The following ATP6V1H variants were observed in gnomAD, a reference collection of about 807,000 sequenced individuals.
ATP6V1H encodes the protein ATPase H+ transporting V1 subunit H, also known as V-type proton ATPase subunit H.
Under a neutral mutation model 71.7 loss-of-function variants are expected in ATP6V1H, and 39 were observed. The observed-to-expected ratio is 0.54, with a 90% CI of 0.42 to 0.71. The LOEUF is 0.71. ATP6V1H is among the 30% of genes least tolerant of loss of function. ATP6V1H has a pLI of 0.00. For missense variants in ATP6V1H, 509 were observed against 594.9 expected, an observed-to-expected ratio of 0.86 and a Z score of 1.50; for synonymous variants, 192 against 199.3, an observed-to-expected ratio of 0.96 and a Z score of 0.31.
chr8:53,824,641 G>A (rs903093459), intron 4 of ATP6V1H, among the ~76,000 whole-genome samples: 1 of 151,992 alleles, frequency 6.6e-6, no homozygotes, highest in Admixed American at 6.5e-5. Flanking sequence ...AATTATCTAT[G>A]TAGATGCCCA....
At chr8:53,795,365 C>T (rs1253013015) in intron 9 of ATP6V1H, among the ~76,000 whole-genome samples, 1 of 152,162 alleles carries the variant, frequency 6.6e-6, no homozygotes, top group Non-Finnish European at 1.5e-5. Context: ...TTGGAATACA[C>T]TGCAACAGAA....
intron 12 of ATP6V1H, among the ~76,000 whole-genome samples, chr8:53,755,906 C>T (rs1461950500): frequency 6.0e-5 from 7 of 115,868 alleles, no homozygotes; most frequent in Non-Finnish European, 1.1e-4. Flanking sequence ...TACAGGCGCC[C>T]GCCACTACGC....
Position 53,801,898 on chromosome 8 carries a change from T to C in ATP6V1H, c.580-2A>G. 2 of 1,611,900 alleles carry C rather than the reference T, an allele frequency of 1.2e-6. No individual in the cohort carries two copies. The highest frequency in any genetic ancestry group is 1.7e-6 in the Non-Finnish European group (2 of 1,179,056). On this transcript the variant is annotated splice_acceptor_variant, in intron 7 of 13. Transcript: ENST00000359530. LOFTEE classifies it high-confidence loss of function. ...CACGCACTGCACATACTGCGAACTC[T>C]GCACAAGAAGAAGTGTTGAGTTTTT... is the stretch of plus-strand genomic sequence containing the variant.
chr8:53,775,529 A>G (rs1247584745), intron 9 of ATP6V1H, among the ~76,000 whole-genome samples: 1 of 150,662 alleles, frequency 6.6e-6, no homozygotes, highest in Middle Eastern at 3.2e-3. Context: ...CCATCAGATT[A>G]GTTAGATACA....
rs866712146 is a variant in ATP6V1H at position 53,762,560 on chromosome 8, T to C, written c.1176-5904A>G. ...AACAGGCATGCTCATGCTCATACTA[T>C]CAGACACCAAGACAGAAAATAATGA... is the stretch of plus-strand genomic sequence containing the variant. On this transcript the variant is annotated intron_variant, in intron 11 of 13. Transcript: ENST00000359530. 4.6e-5 allele frequency among the ~76,000 whole-genome samples: 7 copies of C among 151,756 alleles called. No homozygotes were observed. The Middle Eastern group carries it at 0.01, about 221-fold the overall frequency.
chr8:53,785,734 G>C (rs1454321146), intron 9 of ATP6V1H, among the ~76,000 whole-genome samples: 3 of 151,732 alleles, frequency 2.0e-5, no homozygotes, highest in African/African-American at 7.3e-5. Flanking sequence ...TGTCCTTTCT[G>C]TTTGTTAGTT....
At chr8:53,761,463 T>TA (rs1170008562) in intron 11 of ATP6V1H, among the ~76,000 whole-genome samples, 2 of 151,488 alleles carry the variant, frequency 1.3e-5, no homozygotes, top group Non-Finnish European at 2.9e-5. Flanking sequence ...CACCAGAAAA[T>TA]AGAAAGTACC....
chr8:53,742,555 A>G (rs1450392211), intron 13 of ATP6V1H, among the ~76,000 whole-genome samples: 6 of 152,212 alleles, frequency 3.9e-5, no homozygotes, highest in Non-Finnish European at 8.8e-5. Flanking sequence ...ACCTAACATC[A>G]TTTAACTTAT....
chr8:53,779,342 G>A (rs910821767), intron 9 of ATP6V1H, among the ~76,000 whole-genome samples: 4 of 151,680 alleles, frequency 2.6e-5, no homozygotes, highest in Non-Finnish European at 2.9e-5. Context: ...GTTCTTAACC[G>A]TAATGGAATT....
chr8:53,834,239 T>G (rs1811090735), intron 2 of ATP6V1H, among the ~76,000 whole-genome samples: 1 of 152,212 alleles, frequency 6.6e-6, no homozygotes, highest in African/African-American at 2.4e-5. Flanking sequence ...TGACCACTAT[T>G]CACACCAGTA....
intron 9 of ATP6V1H, among the ~76,000 whole-genome samples, chr8:53,781,724 G>A (rs1173402782): frequency 6.6e-6 from 1 of 151,968 alleles, no homozygotes; most frequent in African/African-American, 2.4e-5. Context: ...TGTATAAGGT[G>A]TAAGGAAGGG....
At chr8:53,791,813 C>T (rs1809572784) in intron 9 of ATP6V1H, among the ~76,000 whole-genome samples, 1 of 152,166 alleles carries the variant, frequency 6.6e-6, no homozygotes, top group African/African-American at 2.4e-5. Flanking sequence ...TGCTTATTCA[C>T]GTCGACTGTC....
intron 11 of ATP6V1H, among the ~76,000 whole-genome samples, chr8:53,762,827 C>T (rs1244339424): frequency 6.6e-6 from 1 of 150,386 alleles, no homozygotes; most frequent in Non-Finnish European, 1.5e-5. Flanking sequence ...GGTCCACTTA[C>T]ACATGGATTT....
intron 11 of ATP6V1H, among the ~76,000 whole-genome samples, chr8:53,760,098 A>G (rs1808217460): frequency 6.6e-6 from 1 of 152,198 alleles, no homozygotes; most frequent in Non-Finnish European, 1.5e-5. Context: ...TAAGATAATA[A>G]TTGGTTGCAG....
chr8:53,766,896 T>A (rs187568132), intron 11 of ATP6V1H, among the ~76,000 whole-genome samples: 1 of 152,354 alleles, frequency 6.6e-6, no homozygotes, highest in East Asian at 1.9e-4. Context: ...CCTGTGGTCC[T>A]GTGATCTTGC....
At chr8:53,774,440 C>T (rs1317449423) in intron 9 of ATP6V1H, among the ~76,000 whole-genome samples, 4 of 152,140 alleles carry the variant, frequency 2.6e-5, no homozygotes, top group Non-Finnish European at 4.4e-5. Flanking sequence ...AACAAAACTA[C>T]GATTCTGTGA....
rs189989403 is a variant in ATP6V1H, at chr8:53,731,834, G to C, written c.1391+11743C>G. ...AGGCCTGCCCTCTGGAGCATCCCTG[G>C]GGGGGACTCCAGCCAGCTTGAGCGA... is the stretch of plus-strand genomic sequence containing the variant. On this transcript the variant is annotated intron_variant, in intron 13 of 13. Transcript: ENST00000359530. Among the ~76,000 whole-genome samples the C allele has an allele frequency of 2.3e-3, 347 of 152,354 alleles. 2 individuals are homozygous for C. The highest frequency in any genetic ancestry group is 8.0e-3 in the African/African-American group (334 of 41,574).
intron 9 of ATP6V1H, among the ~76,000 whole-genome samples, chr8:53,774,394 G>A (rs904071348): frequency 1.7e-4 from 26 of 152,094 alleles, no homozygotes; most frequent in Non-Finnish European, 8.8e-5. Flanking sequence ...AGAGAGAGAG[G>A]ACAGTTCAGT....
At chr8:53,834,620 T>A (rs1418635218) in intron 2 of ATP6V1H, among the ~76,000 whole-genome samples, 1 of 151,958 alleles carries the variant, frequency 6.6e-6, no homozygotes, top group African/African-American at 2.4e-5. Flanking sequence ...GAAACGGGGT[T>A]TCACCATATT....
Sources: allele counts gnomAD v4.1 joint callset (sites outside exome capture counted in the v4.1 genomes callset), GRCh38; gene constraint gnomAD v4.1.1; transcripts MANE v1.5; gene names NCBI Gene and HGNC (gene_info 2026-07-23, HGNC 2026-07-21).